Variants in SHISA9 observed in about 807,000 individuals in gnomAD.
The protein encoded by SHISA9 is shisa family member 9, also known as protein shisa-9.
In SHISA9, 13 loss-of-function variants were observed where a neutral mutation model predicts 38.0. The observed-to-expected ratio is 0.34, with a 90% CI of 0.22 to 0.54. The LOEUF is 0.54. Among genes scored for constraint, SHISA9 ranks in the 20% least tolerant of loss-of-function variants. The pLI is 0.91. For synonymous variants in SHISA9, 275 were observed against 242.0 expected (o/e 1.14, Z -1.27); for missense variants, 538 against 575.8 (o/e 0.93, Z 0.67).
At chr16:12,931,761 T>C (rs2071464309) in intron 2 of SHISA9, among the ~76,000 whole-genome samples, 1 of 152,230 alleles carries the variant, frequency 6.6e-6, no homozygotes. Context: ...CAGGTGGGTA[T>C]TTACCCAGTC....
the SHISA9 span, among the ~76,000 whole-genome samples, chr16:13,439,383 C>T: frequency 2.0e-5 from 3 of 152,188 alleles, no homozygotes; most frequent in African/African-American, 4.8e-5. Context: ...CACACACACA[C>T]ACATAACTAT....
the SHISA9 span, among the ~76,000 whole-genome samples, chr16:13,542,208 G>A: frequency 1.3e-5 from 2 of 152,118 alleles, no homozygotes; most frequent in South Asian, 4.2e-4. Flanking sequence ...TGACGCCTTG[G>A]TTTCTGACTT....
intron 2 of SHISA9, among the ~76,000 whole-genome samples, chr16:12,969,849 C>T (rs946712104): frequency 2.0e-5 from 3 of 151,912 alleles, no homozygotes; most frequent in Admixed American, 1.3e-4. Context: ...TAAATCAGCA[C>T]GCAAAAAAGT....
At chr16:13,376,805 A>G in the SHISA9 span, among the ~76,000 whole-genome samples, 1 of 152,056 alleles carries the variant, frequency 6.6e-6, no homozygotes, top group Non-Finnish European at 1.5e-5. Context: ...CTCCCACCTC[A>G]GCCTCCTGAG....
chr16:13,006,811 C>T (rs895797545), intron 2 of SHISA9, among the ~76,000 whole-genome samples: 1 of 152,170 alleles, frequency 6.6e-6, no homozygotes, highest in Admixed American at 6.5e-5. Flanking sequence ...ATTGTCCACT[C>T]TCTGATCACT....
the SHISA9 span, among the ~76,000 whole-genome samples, chr16:13,370,394 C>G: frequency 2.0e-5 from 3 of 152,110 alleles, no homozygotes; most frequent in Non-Finnish European, 4.4e-5. Flanking sequence ...AATGCCTTGG[C>G]CCAAAGACAC....
At chr16:13,461,893 G>A in the SHISA9 span, among the ~76,000 whole-genome samples, 2 of 151,972 alleles carry the variant, frequency 1.3e-5, no homozygotes, top group African/African-American at 2.4e-5. Context: ...GATTACAGGC[G>A]TGAGCCACCG....
chr16:13,302,499 T>C, the SHISA9 span, among the ~76,000 whole-genome samples: 1 of 152,182 alleles, frequency 6.6e-6, no homozygotes, highest in African/African-American at 2.4e-5. Context: ...GCAATGGGAC[T>C]GAGCCACCTC....
intron 2 of SHISA9, among the ~76,000 whole-genome samples, chr16:13,113,826 G>GT (rs1159412341): frequency 1.3e-5 from 2 of 152,182 alleles, no homozygotes; most frequent in Non-Finnish European, 2.9e-5. Flanking sequence ...GACAAAAAGG[G>GT]TTTTTGGTAA....
the SHISA9 span, among the ~76,000 whole-genome samples, chr16:13,444,982 C>CTATATATA: frequency 1.7e-3 from 183 of 106,246 alleles, no homozygotes; most frequent in Non-Finnish European, 2.1e-3. Context: ...CCATGCCTAG[C>CTATATATA]TATATATATA....
chr16:13,453,063 C>T, the SHISA9 span, among the ~76,000 whole-genome samples: 1 of 151,968 alleles, frequency 6.6e-6, no homozygotes, highest in Non-Finnish European at 1.5e-5. Flanking sequence ...CACGTGCCAC[C>T]ATACCTGGCT....
chr16:13,339,568 A>C, the SHISA9 span, among the ~76,000 whole-genome samples: 27 of 152,308 alleles, frequency 1.8e-4, no homozygotes, highest in South Asian at 1.0e-3. Flanking sequence ...AAAATGAAGA[A>C]TTCATGAATT....
chr16:13,285,365 T>C, the SHISA9 span, among the ~76,000 whole-genome samples: 1 of 152,146 alleles, frequency 6.6e-6, no homozygotes, highest in African/African-American at 2.4e-5. Context: ...TTGAACGATG[T>C]TGGCAGCTGG....
the SHISA9 span, among the ~76,000 whole-genome samples, chr16:13,385,220 G>A: frequency 0.13 from 20,359 of 152,238 alleles, 1,635 homozygotes; most frequent in East Asian, 0.39. Context: ...AAATGGTACA[G>A]CCACTCTGGA....
chr16:13,047,685 C>T (rs2073203235), intron 2 of SHISA9, among the ~76,000 whole-genome samples: 1 of 152,150 alleles, frequency 6.6e-6, no homozygotes, highest in Admixed American at 6.5e-5. Context: ...AAACATCTAT[C>T]AAGTACCTCC....
chr16:13,250,218 C>T, the SHISA9 span, among the ~76,000 whole-genome samples: 1 of 152,130 alleles, frequency 6.6e-6, no homozygotes, highest in African/African-American at 2.4e-5. Flanking sequence ...GGACCCAGAC[C>T]CTCAGGTGTG....
intron 2 of SHISA9, among the ~76,000 whole-genome samples, chr16:13,041,143 C>G (rs541645840): frequency 1.5e-4 from 23 of 152,318 alleles, no homozygotes; most frequent in Non-Finnish European, 2.8e-4. Context: ...CATCTCAGAG[C>G]TGGATGTGTT....
chr16:13,445,275 A>T, the SHISA9 span, among the ~76,000 whole-genome samples: 1 of 152,084 alleles, frequency 6.6e-6, no homozygotes, highest in East Asian at 1.9e-4. Flanking sequence ...CCTTCTTTGC[A>T]TCTCCAGCAC....
chr16:13,095,070 G>T (rs1392672475), intron 2 of SHISA9, among the ~76,000 whole-genome samples: 1 of 152,156 alleles, frequency 6.6e-6, no homozygotes, highest in Admixed American at 6.5e-5. Flanking sequence ...AGGTTAAATG[G>T]TCTGTCAAAT....
Sources: gnomAD v4.1 joint callset for allele counts (sites outside exome capture counted in the v4.1 genomes callset) on GRCh38, gnomAD v4.1.1 for gene constraint, MANE v1.5 for transcripts, NCBI Gene and HGNC (gene_info 2026-07-23, HGNC 2026-07-21) for gene names.